Variants in PICALM observed in about 807,000 individuals in gnomAD.
The protein encoded by PICALM is phosphatidylinositol-binding clathrin assembly protein.
Under a neutral mutation model 80.5 loss-of-function variants are expected in PICALM, and 40 were observed. That is an observed-to-expected ratio of 0.50 (90% CI 0.39 to 0.65). The LOEUF (loss-of-function observed/expected upper bound fraction) is 0.65, where lower values mean the gene tolerates loss of function less well. Ranked by LOEUF, PICALM falls within the 30% of genes least tolerant of loss-of-function variation. The probability of loss-of-function intolerance (pLI) is 0.00; values close to 1 mark genes in which losing one functional copy is unlikely to be tolerated. For synonymous variants in PICALM, 288 were observed against 260.3 expected, an observed-to-expected ratio of 1.11 and a Z score of -1.02; for missense variants, 676 against 778.9, an observed-to-expected ratio of 0.87 and a Z score of 1.57.
At chr11:85,963,667 CTAAT>C (rs1320070912) in intron 19 of PICALM, among the ~76,000 whole-genome samples, 1 of 152,182 alleles carries the variant, frequency 6.6e-6, no homozygotes, top group East Asian at 1.9e-4. Context: ...CTCCACTACT[CTAAT>C]CAATCAATAA....
At chr11:86,034,593 A>G (rs1164490347) in intron 1 of PICALM, among the ~76,000 whole-genome samples, 2 of 152,178 alleles carry the variant, frequency 1.3e-5, no homozygotes, top group African/African-American at 2.4e-5. Context: ...ATTTATCTCA[A>G]TAACATAAAA....
chr11:86,059,955 T>C lies in PICALM; in HGVS notation c.130+8696A>G, dbSNP rs73508088. Among the ~76,000 whole-genome samples, 450 of 152,202 alleles carry C rather than the reference T, an allele frequency of 3.0e-3. 1 individual carries two copies. The highest frequency in any genetic ancestry group is 0.01 in the African/African-American group (421 of 41,524). On this transcript the variant is annotated intron_variant, in intron 1 of 19. Coordinates refer to ENST00000393346, the MANE Select transcript of PICALM (RefSeq NM_007166.4). ...GGCCTTTGGGAAAAAAATTTAAATA[T>C]TATTGTTAAGACTTTTTTGCCCCAG...
At chr11:86,012,222 AT>A in intron 6 of PICALM, 58 bp downstream of exon 6, 1 of 887,694 alleles carries the variant, frequency 1.1e-6, no homozygotes, top group Non-Finnish European at 1.8e-6. Context: ...AACTCAGTCA[AT>A]ATTGTTTATC....
chr11:86,051,672 A>G (rs2096190808), intron 1 of PICALM, among the ~76,000 whole-genome samples: 1 of 152,160 alleles, frequency 6.6e-6, no homozygotes, highest in South Asian at 2.1e-4. Flanking sequence ...AAAAGAAAAG[A>G]AAAAAAGTAT....
chr11:85,974,963 C>T (rs1030007054), intron 18 of PICALM, 151 bp from the exon 19 acceptor site: 1 of 595,566 alleles, frequency 1.7e-6, no homozygotes, highest in Non-Finnish European at 3.0e-6. Context: ...CTAACAGCTA[C>T]AAACTTTCGA....
At position 86,022,475 on chromosome 11, in the gene PICALM, AAAAAAC is replaced by A. The variant is rs745573027; in HGVS notation, c.350-12_350-7del. 14 of 1,396,668 alleles carry A rather than the reference AAAAAAC, an allele frequency of 1.0e-5. No individual in the cohort carries two copies. The highest frequency in any genetic ancestry group is 2.5e-5 in the East Asian group (1 of 40,114). The allele number at this position is 1,396,668 out of a possible 1,614,324, so 86.5% of individuals were successfully genotyped here. On this transcript the variant is annotated splice_region_variant and splice_polypyrimidine_tract_variant and intron_variant, in intron 3 of 19. Coordinates refer to ENST00000393346, the MANE Select transcript of PICALM (RefSeq NM_007166.4). ...AAATGTAGACATGTCATATCCTGTA[AAAAAAC>A]AAAAACAAAAACAAAACAAAGAGAG...
At chr11:85,978,248 A>G (rs1321583420) in intron 17 of PICALM, 1 of 650,496 alleles carries the variant, frequency 1.5e-6, no homozygotes, top group African/African-American at 1.8e-5. Flanking sequence ...ATGAAAGAAC[A>G]TCTATACTAA....
At chr11:85,966,373 T>A (rs2093898846) in intron 19 of PICALM, among the ~76,000 whole-genome samples, 1 of 152,144 alleles carries the variant, frequency 6.6e-6, no homozygotes, top group African/African-American at 2.4e-5. Flanking sequence ...TGCCCAATTC[T>A]CCTCTTAGAA....
intron 2 of PICALM, among the ~76,000 whole-genome samples, chr11:86,030,866 G>A (rs2095739352): frequency 6.6e-6 from 1 of 152,174 alleles, no homozygotes; most frequent in African/African-American, 2.4e-5. Flanking sequence ...TGTAATCCCA[G>A]CACTTTGGGA....
chr11:85,964,925 A>C lies in PICALM; in HGVS notation c.1945-5865T>G, dbSNP rs775564137. Among the ~76,000 whole-genome samples the C allele has an allele frequency of 8.5e-5, 13 of 152,230 alleles. 1 individual carries two copies. The highest frequency in any genetic ancestry group is 2.9e-4 in the African/African-American group (12 of 41,452). On this transcript the variant is annotated intron_variant, in intron 19 of 19. Transcript: ENST00000393346. ...GTGGAATGTACAAAGAAATTATTAC[A>C]ACTGTCCTATTTTTAAAAATTCCTA...
chr11:86,029,376 T>C (rs1265183995), intron 2 of PICALM, among the ~76,000 whole-genome samples: 2 of 152,146 alleles, frequency 1.3e-5, no homozygotes, highest in African/African-American at 2.4e-5. Flanking sequence ...CATCTGAAGG[T>C]TGTACAAACT....
upstream of PICALM, chr11:86,069,587 G>A (rs2096489416): frequency 6.6e-6 from 1 of 152,436 alleles, no homozygotes; most frequent in African/African-American, 2.4e-5. Context: ...GCAGAGTCAA[G>A]AATGTATTTC....
intron 1 of PICALM, among the ~76,000 whole-genome samples, chr11:86,039,746 G>C (rs2095915944): frequency 3.9e-5 from 6 of 152,028 alleles, no homozygotes; most frequent in Admixed American, 3.9e-4. Context: ...ACTTTAAAAA[G>C]CAACAAAATC....
At chr11:86,054,403 G>C (rs908942098) in intron 1 of PICALM, among the ~76,000 whole-genome samples, 2 of 152,182 alleles carry the variant, frequency 1.3e-5, no homozygotes, top group Non-Finnish European at 2.9e-5. Flanking sequence ...TGGCACTGAA[G>C]AGCCCAGAGT....
chr11:86,034,516 G>A (rs1247130865), intron 1 of PICALM, among the ~76,000 whole-genome samples: 2 of 152,168 alleles, frequency 1.3e-5, no homozygotes, highest in Admixed American at 1.3e-4. Flanking sequence ...AGCAAAAACT[G>A]TAACGATTTC....
intron 12 of PICALM, among the ~76,000 whole-genome samples, chr11:85,995,568 AATAT>A (rs2094933289): frequency 1.3e-5 from 2 of 152,198 alleles, no homozygotes; most frequent in Non-Finnish European, 2.9e-5. Context: ...TGAAATGTTT[AATAT>A]ATTTTTATTT....
At chr11:85,974,299 G>C (rs183539225) in intron 19 of PICALM, among the ~76,000 whole-genome samples, 2 of 152,240 alleles carry the variant, frequency 1.3e-5, no homozygotes, top group Admixed American at 1.3e-4. Flanking sequence ...GAGTTGCCAA[G>C]AGTTTCACAA....
At chr11:85,963,490 T>C (rs1006033301) in intron 19 of PICALM, among the ~76,000 whole-genome samples, 49 of 152,364 alleles carry the variant, frequency 3.2e-4, no homozygotes, top group African/African-American at 1.2e-3. Flanking sequence ...AAATGACCTA[T>C]GTCACAACTG....
chr11:85,980,207 T>C (rs929191746), intron 17 of PICALM, among the ~76,000 whole-genome samples: 2 of 152,170 alleles, frequency 1.3e-5, no homozygotes, highest in Non-Finnish European at 2.9e-5. Context: ...AAGGACACTC[T>C]GCCTTGGTTC....
Sources: allele counts gnomAD v4.1 joint callset (sites outside exome capture counted in the v4.1 genomes callset), GRCh38; gene constraint gnomAD v4.1.1; transcripts MANE v1.5; gene names NCBI Gene and HGNC (gene_info 2026-07-23, HGNC 2026-07-21).